Variants in RBFOX1 observed in about 807,000 individuals in gnomAD.
RBFOX1 encodes RNA binding fox-1 homolog 1, also known as RNA binding protein fox-1 homolog 1.
Under a neutral mutation model 57.7 loss-of-function variants are expected in RBFOX1, and 8 were observed. That is an observed-to-expected ratio of 0.14 (90% CI 0.08 to 0.25). The LOEUF (loss-of-function observed/expected upper bound fraction) is 0.25. Ranked by LOEUF, RBFOX1 falls within the 10% of genes least tolerant of loss-of-function variation. The pLI, the probability that RBFOX1 is intolerant of heterozygous loss-of-function variation, is 1.00. For missense variants in RBFOX1, 611 were observed against 548.5 expected, an observed-to-expected ratio of 1.11 and a Z score of -1.14; for synonymous variants, 326 against 222.4, an observed-to-expected ratio of 1.47 and a Z score of -4.15.
intron 2 of RBFOX1, among the ~76,000 whole-genome samples, chr16:6,581,931 T>G (rs1044200166): frequency 9.9e-5 from 15 of 152,214 alleles, no homozygotes; most frequent in African/African-American, 3.6e-4. Flanking sequence ...AACCAATCGT[T>G]ATGAAACCGG....
At chr16:6,165,112 A>T (rs1567596235) in intron 1 of RBFOX1, among the ~76,000 whole-genome samples, 1 of 152,274 alleles carries the variant, frequency 6.6e-6, no homozygotes, top group East Asian at 1.9e-4. Flanking sequence ...ATCTCAGATA[A>T]ATTAATGAAA....
intron 4 of RBFOX1, among the ~76,000 whole-genome samples, chr16:7,470,790 G>C (rs1330178580): frequency 6.6e-6 from 1 of 152,122 alleles, no homozygotes; most frequent in Non-Finnish European, 1.5e-5. Flanking sequence ...TGATCTCACT[G>C]GGGTGGTCAT....
At chr16:5,792,889 G>C (rs2054749130) in intron 3 of RBFOX1, among the ~76,000 whole-genome samples, 2 of 152,138 alleles carry the variant, frequency 1.3e-5, no homozygotes, top group Non-Finnish European at 2.9e-5. Context: ...TATTCATTAA[G>C]TAGAAGTGGA....
chr16:7,336,520 T>A (rs2096791001), intron 4 of RBFOX1, among the ~76,000 whole-genome samples: 2 of 152,358 alleles, frequency 1.3e-5, no homozygotes, highest in South Asian at 4.1e-4. Flanking sequence ...ATCCATTCAC[T>A]GTATACTCAA....
chr16:7,017,722 G>A (rs563219284), intron 3 of RBFOX1, among the ~76,000 whole-genome samples: 1 of 152,240 alleles, frequency 6.6e-6, no homozygotes, highest in Non-Finnish European at 1.5e-5. Flanking sequence ...TTCTCTTCAC[G>A]TTTTCACAAC....
chr16:7,591,934 G>A (rs949578704), intron 7 of RBFOX1, among the ~76,000 whole-genome samples: 18 of 152,132 alleles, frequency 1.2e-4, no homozygotes, highest in East Asian at 3.9e-4. Flanking sequence ...CCTGTGCATC[G>A]TGGCAAAGGT....
At chr16:5,928,981 G>A (rs983376786) in intron 4 of RBFOX1, among the ~76,000 whole-genome samples, 12 of 149,954 alleles carry the variant, frequency 8.0e-5, no homozygotes, top group Admixed American at 7.4e-4. Context: ...AGATCCAGCT[G>A]TGAGCTGGTC....
chr16:7,661,384 A>G (rs1001445658), intron 12 of RBFOX1, among the ~76,000 whole-genome samples: 10 of 152,240 alleles, frequency 6.6e-5, no homozygotes, highest in East Asian at 1.9e-4. Flanking sequence ...AAGAAGCCAG[A>G]GCGTGGGTCT....
rs2095401273 is a variant in RBFOX1, at chr16:6,483,177, G to C, written c.-64+166120G>C. On this transcript the variant is annotated intron_variant, in intron 2 of 15. Coordinates refer to ENST00000550418, the MANE Select transcript of RBFOX1 (RefSeq NM_018723.4). The stretch of plus-strand genomic sequence containing the variant: ...AAACATTGGGCGTCTCATTTGGCGA[G>C]CGTTTTGGCGCGGACAGAGGCCGAG... 2.7e-6 allele frequency: 3 copies of C among 1,129,924 alleles called. No individual in the cohort carries two copies. In the South Asian group the frequency reaches 9.8e-5, roughly 37 times the overall value. 70.0% of individuals were successfully genotyped at this position (1,129,924 alleles called of 1,614,324 possible). A position where few individuals can be genotyped will look rare whatever the true frequency, so the allele number is the denominator to read the frequency against.
chr16:7,156,160 G>C (rs1360499942), intron 4 of RBFOX1, among the ~76,000 whole-genome samples: 1 of 151,580 alleles, frequency 6.6e-6, no homozygotes, highest in Non-Finnish European at 1.5e-5. Context: ...TGTGACCACT[G>C]TGCCTGGCCG....
chr16:5,649,419 C>T (rs1259731418), intron 3 of RBFOX1, among the ~76,000 whole-genome samples: 3 of 152,140 alleles, frequency 2.0e-5, no homozygotes, highest in African/African-American at 7.2e-5. Flanking sequence ...ATCCACCTGC[C>T]TCGGTCTCCC....
intron 4 of RBFOX1, among the ~76,000 whole-genome samples, chr16:7,308,650 T>G (rs751309332): frequency 5.3e-5 from 8 of 152,190 alleles, no homozygotes; most frequent in Non-Finnish European, 1.2e-4. Context: ...CATTGCTCAC[T>G]GTGGACATCT....
chr16:5,911,927 T>C (rs1232950717), intron 4 of RBFOX1, among the ~76,000 whole-genome samples: 1 of 152,184 alleles, frequency 6.6e-6, no homozygotes, highest in African/African-American at 2.4e-5. Flanking sequence ...TTTCAGTATA[T>C]GAATTTTGAG....
chr16:7,017,285 TG>T (rs1218365607), intron 3 of RBFOX1, among the ~76,000 whole-genome samples: 4 of 152,146 alleles, frequency 2.6e-5, no homozygotes, highest in African/African-American at 9.7e-5. Flanking sequence ...TATAGAATGA[TG>T]GCAAATAATG....
At chr16:7,366,719 A>G (rs1246660810) in intron 4 of RBFOX1, among the ~76,000 whole-genome samples, 1 of 152,080 alleles carries the variant, frequency 6.6e-6, no homozygotes, top group East Asian at 1.9e-4. Context: ...ATGGTGCCAG[A>G]GACCCAATTA....
chr16:6,570,370 G>C (rs905624471), intron 2 of RBFOX1, among the ~76,000 whole-genome samples: 2 of 152,124 alleles, frequency 1.3e-5, no homozygotes, highest in Non-Finnish European at 2.9e-5. Flanking sequence ...ACAGGCCAAA[G>C]TAAGTAAAAT....
At chr16:6,443,264 C>T (rs534717941) in intron 2 of RBFOX1, among the ~76,000 whole-genome samples, 1 of 152,256 alleles carries the variant, frequency 6.6e-6, no homozygotes, top group African/African-American at 2.4e-5. Context: ...TCCCTTTCTT[C>T]CTGTAGGATT....
At chr16:7,076,416 C>A (rs977159682) in intron 4 of RBFOX1, among the ~76,000 whole-genome samples, 3 of 151,680 alleles carry the variant, frequency 2.0e-5, no homozygotes, top group Non-Finnish European at 2.9e-5. Flanking sequence ...AAGAAAAGAC[C>A]AAGAAGAGTC....
chr16:7,478,808 T>G (rs953009238), intron 4 of RBFOX1, among the ~76,000 whole-genome samples: 2 of 152,198 alleles, frequency 1.3e-5, no homozygotes, highest in African/African-American at 4.8e-5. Flanking sequence ...CTAGTCTAGA[T>G]GCCAACAATA....
Sources: gnomAD v4.1 joint callset for allele counts (sites outside exome capture counted in the v4.1 genomes callset) on GRCh38, gnomAD v4.1.1 for gene constraint, MANE v1.5 for transcripts, NCBI Gene and HGNC (gene_info 2026-07-23, HGNC 2026-07-21) for gene names.